USP31: variants seen among roughly 807,000 people sequenced by gnomAD.
USP31 encodes the protein ubiquitin carboxyl-terminal hydrolase 31.
USP31 carries 44 observed loss-of-function variants against 119.4 expected under a neutral mutation model. The observed-to-expected ratio is 0.37, with a 90% CI of 0.29 to 0.47. The LOEUF (loss-of-function observed/expected upper bound fraction) is 0.47. USP31 is among the 20% of genes least tolerant of loss of function. The pLI is 0.99. For synonymous variants in USP31, 749 were observed against 705.6 expected (o/e 1.06, Z -0.97); for missense variants, 1,643 against 1,730.2 (o/e 0.95, Z 0.89).
intron 1 of USP31, among the ~76,000 whole-genome samples, chr16:23,119,331 CA>C (rs1902595510): frequency 6.6e-6 from 1 of 152,144 alleles, no homozygotes; most frequent in Non-Finnish European, 1.5e-5. Context: ...CTCCTGACCT[CA>C]AGTGAGCCGC....
In USP31 at chr16:23,066,092, A is replaced by T. The variant is rs1900055953; in HGVS notation, c.*1954T>A. On this transcript the variant is annotated 3_prime_UTR_variant, in exon 16 of 16. Coordinates refer to ENST00000219689, the MANE Select transcript of USP31 (RefSeq NM_020718.4). Reference sequence around the variant, plus strand: ...GAAGGCAGCCAGTTGCCGCAGATGTACTGAGCAGATGAGAGTGGTACTGCT... The same window carrying T: ...GAAGGCAGCCAGTTGCCGCAGATGTTCTGAGCAGATGAGAGTGGTACTGCT... 1 of 152,262 alleles carries T rather than the reference A, an allele frequency of 6.6e-6. No homozygotes were observed. The highest frequency in any genetic ancestry group is 2.4e-5 in the African/African-American group (1 of 41,460). 9.4% of individuals were successfully genotyped at this position (152,262 alleles called of 1,614,324 possible).
chr16:23,136,038 T>C (rs1004413308), intron 1 of USP31, among the ~76,000 whole-genome samples: 3 of 152,116 alleles, frequency 2.0e-5, no homozygotes, highest in African/African-American at 4.8e-5. Context: ...AGTCAAGATA[T>C]AAACCCTCGC....
In USP31 at chr16:23,134,196, G is replaced by C. The variant is rs139878971; in HGVS notation, c.633+14442C>G. ...AATTTAGAGAAACTTTAAGTAGCAT[G>C]AGAAAGAAGAATAAGCAACAATAAC... is the stretch of plus-strand genomic sequence containing the variant. On this transcript the variant is annotated intron_variant, in intron 1 of 15. Transcript: ENST00000219689. Among the ~76,000 whole-genome samples, 345 of 152,248 alleles carry C rather than the reference G, an allele frequency of 2.3e-3. 3 individuals carry two copies. The highest frequency in any genetic ancestry group is 7.7e-3 in the African/African-American group (319 of 41,550).
intron 1 of USP31, among the ~76,000 whole-genome samples, chr16:23,131,902 A>T (rs1446934039): frequency 1.3e-5 from 2 of 152,226 alleles, no homozygotes; most frequent in African/African-American, 4.8e-5. Flanking sequence ...TGTGTTTACA[A>T]AGAAGGGGTC....
At chr16:23,102,502 A>T (rs746124914) in intron 5 of USP31, 39 bp from the exon 6 acceptor site, 4 of 1,584,252 alleles carry the variant, frequency 2.5e-6, no homozygotes, top group Non-Finnish European at 3.4e-6. Flanking sequence ...GGTAACTGGA[A>T]ATTCGATACT....
At position 23,107,983 on chromosome 16, in the gene USP31, C is replaced by T. The variant is rs1016460211; in HGVS notation, c.771+63G>A. The T allele has an allele frequency of 3.9e-6, 6 of 1,531,362 alleles. No individual in the cohort carries two copies. In the African/African-American group the frequency reaches 8.3e-5, roughly 21 times the overall value. The allele number at this position is 1,531,362 out of a possible 1,614,324, so 94.9% of individuals were successfully genotyped here. A position where few individuals can be genotyped will look rare whatever the true frequency, so the allele number is the denominator to read the frequency against. ...GTATTAACGCAATGCAACAAGTCCT[C>T]AGTAGAAGAATCTACACACTCTCAT... On this transcript the variant is annotated intron_variant, in intron 2 of 15. Coordinates refer to ENST00000219689, the MANE Select transcript of USP31 (RefSeq NM_020718.4).
intron 11 of USP31, 126 bp downstream of exon 11, chr16:23,084,734 G>A (rs1901017623): frequency 1.6e-6 from 2 of 1,265,090 alleles, no homozygotes; most frequent in African/African-American, 1.5e-5. Flanking sequence ...CATTACATGT[G>A]CAGACTTACA....
At chr16:23,099,858 G>T (rs1901772572) in intron 6 of USP31, among the ~76,000 whole-genome samples, 1 of 152,150 alleles carries the variant, frequency 6.6e-6, no homozygotes, top group African/African-American at 2.4e-5. Context: ...GCAATTTTAA[G>T]ATGGGTAAAA....
In USP31 at chr16:23,146,727, G is replaced by A. The variant is rs12103407; in HGVS notation, c.633+1911C>T. Among the ~76,000 whole-genome samples the A allele has an allele frequency of 9.3e-3, 1,408 of 152,114 alleles. 17 individuals carry two copies. The highest frequency in any genetic ancestry group is 0.029 in the African/African-American group (1,216 of 41,498). On this transcript the variant is annotated intron_variant, in intron 1 of 15. Transcript: ENST00000219689. ...GAGATGCACACTGGCCATGTAGTTC[G>A]TCAGCAAGAAAGCAGGACCTTAACA...
chr16:23,117,019 T>C (rs1048688194), intron 1 of USP31, among the ~76,000 whole-genome samples: 2 of 152,236 alleles, frequency 1.3e-5, no homozygotes, highest in African/African-American at 4.8e-5. Context: ...ATTTGTGTTA[T>C]ACTTACCAGC....
At chr16:23,131,510 C>G (rs1903029684) in intron 1 of USP31, among the ~76,000 whole-genome samples, 1 of 152,032 alleles carries the variant, frequency 6.6e-6, no homozygotes, top group African/African-American at 2.4e-5. Context: ...AGGTTAGGTC[C>G]TCATCCAACT....
Position 23,063,080 on chromosome 16 carries a change from A to AT in USP31, c.*4965dup, listed in dbSNP as rs1270554790. ...CTAGGGACTGGGACCCAGGCACTGTATTTTTTAAAGTTCCCCAGCTGATTC... is the reference window on the plus strand; with the variant it reads ...CTAGGGACTGGGACCCAGGCACTGTATTTTTTTAAAGTTCCCCAGCTGATTC... On this transcript the variant is annotated 3_prime_UTR_variant, in exon 16 of 16. Transcript: ENST00000219689. 6.6e-6 allele frequency: 1 copy of AT among 152,196 alleles called. No individual in the cohort carries two copies. Among genetic ancestry groups the AT allele is most frequent in the Non-Finnish European group, 1.5e-5 (1 of 68,036 alleles). The allele number at this position is 152,196 out of a possible 1,614,324, so 9.4% of individuals were successfully genotyped here. A position where few individuals can be genotyped will look rare whatever the true frequency, so the allele number is the denominator to read the frequency against.
At chr16:23,073,476 C>T (rs1900427834) in intron 14 of USP31, among the ~76,000 whole-genome samples, 1 of 152,180 alleles carries the variant, frequency 6.6e-6, no homozygotes, top group Non-Finnish European at 1.5e-5. Flanking sequence ...AAGAACACAT[C>T]ATGAGCTTTC....
chr16:23,115,059 C>T (rs1227367948), intron 1 of USP31, among the ~76,000 whole-genome samples: 1 of 152,192 alleles, frequency 6.6e-6, no homozygotes, highest in Non-Finnish European at 1.5e-5. Context: ...AGGCAACTCA[C>T]TGAACCTGTG....
rs372505230 is a variant in USP31, at chr16:23,141,219, C to T, written c.633+7419G>A. ...GCCTCTCCACCTCCTCCATCCCGCT[C>T]TCCTCCTGGCTCTCTAGCTGCAAAC... On this transcript the variant is annotated intron_variant, in intron 1 of 15. Transcript: ENST00000219689. 3.1e-4 allele frequency among the ~76,000 whole-genome samples: 47 copies of T among 152,342 alleles called. No homozygotes were observed. The South Asian group carries it at 8.5e-3, about 27-fold the overall frequency.
intron 9 of USP31, among the ~76,000 whole-genome samples, chr16:23,086,788 C>T (rs1901128535): frequency 6.6e-6 from 1 of 152,082 alleles, no homozygotes; most frequent in Non-Finnish European, 1.5e-5. Context: ...AAGAATGTGG[C>T]CTGATTAGAA....
At position 23,108,287 on chromosome 16, in the gene USP31, A is replaced by C. The variant is rs1224132215; in HGVS notation, c.634-104T>G. On this transcript the variant is annotated intron_variant, in intron 1 of 15. Coordinates refer to ENST00000219689, the MANE Select transcript of USP31 (RefSeq NM_020718.4). ...AGGGATGCAAGATCTCAAGGGTGTT[A>C]GAGAATACTTCCCAGAAGGAGTGCA... 8.9e-6 allele frequency: 13 copies of C among 1,454,468 alleles called. No individual in the cohort carries two copies. The Admixed American group carries it at 9.9e-5, about 11-fold the overall frequency. The allele number at this position is 1,454,468 out of a possible 1,614,324, so 90.1% of individuals were successfully genotyped here.
intron 6 of USP31, among the ~76,000 whole-genome samples, chr16:23,094,064 A>C (rs893802329): frequency 2.6e-5 from 4 of 152,118 alleles, no homozygotes; most frequent in Non-Finnish European, 5.9e-5. Flanking sequence ...CGGGAAGCTC[A>C]AGGGGTCGGG....
intron 12 of USP31, among the ~76,000 whole-genome samples, chr16:23,080,751 T>C (rs949239960): frequency 6.6e-6 from 1 of 152,240 alleles, no homozygotes; most frequent in African/African-American, 2.4e-5. Flanking sequence ...TGACTGAATG[T>C]TTCCTGTGTC....
Sources: allele counts gnomAD v4.1 joint callset (sites outside exome capture counted in the v4.1 genomes callset), GRCh38; gene constraint gnomAD v4.1.1; transcripts MANE v1.5; gene names NCBI Gene and HGNC (gene_info 2026-07-23, HGNC 2026-07-21).